The following NCALD variants were observed in gnomAD, a reference collection of about 807,000 sequenced individuals.
The protein encoded by NCALD is neurocalcin delta.
Under a neutral mutation model 18.6 loss-of-function variants are expected in NCALD, and 10 were observed. The ratio of observed to expected loss-of-function variants is 0.54; its 90% CI spans 0.33 to 0.91. The LOEUF is 0.91. Among genes scored for constraint, NCALD ranks in the 40% least tolerant of loss-of-function variants. NCALD has a pLI of 0.03. For synonymous variants in NCALD, 88 were observed against 87.4 expected (o/e 1.01, Z -0.04); for missense variants, 184 against 247.6 (o/e 0.74, Z 1.72).
chr8:101,746,896 A>ACC lies in NCALD; in HGVS notation c.-19-27250_-19-27249dup, dbSNP rs759111200. ...GATGTCATATCTGGGATGCCATGCTACCCTGATGGAATTACAACCTGGAAT... is the reference window on the plus strand; with the variant it reads ...GATGTCATATCTGGGATGCCATGCTACCCCCTGATGGAATTACAACCTGGAAT... On this transcript the variant is annotated intron_variant, in intron 1 of 3. Transcript: ENST00000220931. 6.0e-4 allele frequency among the ~76,000 whole-genome samples: 91 copies of ACC among 152,196 alleles called. No individual in the cohort carries two copies. The Middle Eastern group carries it at 0.014, about 23-fold the overall frequency.
In NCALD at chr8:101,717,265, C is replaced by T. The variant is rs141069179; in HGVS notation, c.378+1987G>A. 1.3e-3 allele frequency among the ~76,000 whole-genome samples: 199 copies of T among 152,238 alleles called. 2 individuals carry two copies. The highest frequency in any genetic ancestry group is 0.012 in the Admixed American group (176 of 15,290). On this transcript the variant is annotated intron_variant, in intron 2 of 3. Coordinates refer to ENST00000220931, the MANE Select transcript of NCALD (RefSeq NM_032041.3). ...TATTCTGTGGATACTAAAGCTAAAC[C>T]ACAGGAAGCGATGTCAGGGAAGAGC...
intron 1 of NCALD, among the ~76,000 whole-genome samples, chr8:101,735,553 T>C (rs1244309276): frequency 1.3e-5 from 2 of 152,196 alleles, no homozygotes; most frequent in South Asian, 2.1e-4. Context: ...AAATTTGAAC[T>C]TCAGATAAAC....
At chr8:101,841,353 T>C (rs1355512148) in intron 4 of NCALD, among the ~76,000 whole-genome samples, 3 of 152,216 alleles carry the variant, frequency 2.0e-5, no homozygotes, top group Non-Finnish European at 4.4e-5. Context: ...GTCCTCCTAA[T>C]AGCCACCCCT....
intron 1 of NCALD, among the ~76,000 whole-genome samples, chr8:101,764,024 GGTCT>G (rs1413741896): frequency 3.2e-5 from 4 of 123,456 alleles, no homozygotes. Context: ...ACCCCCTATT[GGTCT>G]GTCTCTCAAG....
intron 3 of NCALD, among the ~76,000 whole-genome samples, chr8:101,911,642 C>T (rs1817805719): frequency 1.3e-5 from 2 of 152,156 alleles, no homozygotes; most frequent in African/African-American, 2.4e-5. Context: ...CAGGTATGAA[C>T]CACCATGCCC....
chr8:101,728,532 GT>G (rs1424385135), intron 1 of NCALD, among the ~76,000 whole-genome samples: 3 of 152,186 alleles, frequency 2.0e-5, no homozygotes, highest in African/African-American at 7.2e-5. Flanking sequence ...TCATTAAAAT[GT>G]TTGCCTAGGG....
chr8:101,996,388 G>A (rs1821240485), intron 2 of NCALD, among the ~76,000 whole-genome samples: 1 of 152,180 alleles, frequency 6.6e-6, no homozygotes, highest in Non-Finnish European at 1.5e-5. Flanking sequence ...TGACCTACAG[G>A]AAATTATAAA....
intron 4 of NCALD, among the ~76,000 whole-genome samples, chr8:101,879,684 A>G (rs929602736): frequency 6.6e-6 from 1 of 152,172 alleles, no homozygotes; most frequent in Non-Finnish European, 1.5e-5. Context: ...TCTGTTTTAC[A>G]GAGCACTCAT....
chr8:101,690,644 C>G (rs1423505223), intron 3 of NCALD: 23 of 985,332 alleles, frequency 2.3e-5, no homozygotes, highest in Non-Finnish European at 2.8e-5. Flanking sequence ...GAACCTAGTT[C>G]TTGTTTAATG....
At chr8:102,012,931 T>A (rs954640407) in intron 2 of NCALD, among the ~76,000 whole-genome samples, 66 of 152,266 alleles carry the variant, frequency 4.3e-4, no homozygotes, top group African/African-American at 1.6e-3. Flanking sequence ...ATAATACAGT[T>A]GTCACAATAT....
intron 1 of NCALD, among the ~76,000 whole-genome samples, chr8:102,090,157 A>G (rs1245384729): frequency 6.6e-6 from 1 of 152,182 alleles, no homozygotes; most frequent in African/African-American, 2.4e-5. Context: ...TTTGGGTTGT[A>G]TTTGCATAAA....
At chr8:101,902,894 C>T (rs1468980270) in intron 3 of NCALD, among the ~76,000 whole-genome samples, 2 of 152,190 alleles carry the variant, frequency 1.3e-5, no homozygotes, top group Admixed American at 1.3e-4. Flanking sequence ...CCTAGACATT[C>T]TAATGGTTTC....
intron 2 of NCALD, among the ~76,000 whole-genome samples, chr8:101,932,943 C>G (rs1188808083): frequency 6.6e-6 from 1 of 152,108 alleles, no homozygotes; most frequent in African/African-American, 2.4e-5. Flanking sequence ...GAATTTTTCC[C>G]CTTCACATTG....
intron 1 of NCALD, among the ~76,000 whole-genome samples, chr8:101,768,710 A>G (rs1170994408): frequency 2.5e-5 from 2 of 79,904 alleles, no homozygotes; most frequent in Non-Finnish European, 2.9e-5. Flanking sequence ...CTCCATCTCA[A>G]AAAACAAAAA....
chr8:102,017,430 C>T (rs1476661238), intron 2 of NCALD, among the ~76,000 whole-genome samples: 1 of 152,176 alleles, frequency 6.6e-6, no homozygotes, highest in East Asian at 1.9e-4. Context: ...ACTACTCTTC[C>T]AGGCTGAGCG....
chr8:102,046,801 T>TA (rs1368425661), intron 1 of NCALD, among the ~76,000 whole-genome samples: 1 of 151,984 alleles, frequency 6.6e-6, no homozygotes, highest in African/African-American at 2.4e-5. Flanking sequence ...TTTTTCCTTT[T>TA]TTTTTTTTTT....
At chr8:101,826,573 A>G (rs911115080) in intron 4 of NCALD, among the ~76,000 whole-genome samples, 3 of 152,236 alleles carry the variant, frequency 2.0e-5, no homozygotes, top group African/African-American at 7.2e-5. Flanking sequence ...CAGTTTTTTC[A>G]GGGAAAACAG....
chr8:101,717,731 G>C (rs893743036), intron 2 of NCALD, among the ~76,000 whole-genome samples: 42 of 152,172 alleles, frequency 2.8e-4, no homozygotes, highest in Admixed American at 2.7e-3. Flanking sequence ...TCCTGCGGCA[G>C]TGACAAGGCT....
At chr8:101,960,890 T>C (rs1819809631) in intron 2 of NCALD, among the ~76,000 whole-genome samples, 1 of 152,108 alleles carries the variant, frequency 6.6e-6, no homozygotes, top group African/African-American at 2.4e-5. Context: ...CCTGAGACAC[T>C]CTTCTTGTCA....
Sources: allele counts gnomAD v4.1 joint callset (sites outside exome capture counted in the v4.1 genomes callset), GRCh38; gene constraint gnomAD v4.1.1; transcripts MANE v1.5; gene names NCBI Gene and HGNC (gene_info 2026-07-23, HGNC 2026-07-21).